Variants in TSEN2 observed in about 807,000 individuals in gnomAD.
TSEN2 encodes tRNA splicing endonuclease subunit 2.
In TSEN2, 54 loss-of-function variants were observed where a neutral mutation model predicts 59.2. The observed-to-expected ratio is 0.91, with a 90% CI of 0.73 to 1.14. TSEN2 has a LOEUF of 1.14. Among genes scored for constraint, TSEN2 ranks in the 50% most tolerant of loss-of-function variants. TSEN2 has a pLI of 0.00. For missense variants in TSEN2, 636 were observed against 576.2 expected (o/e 1.10, Z -1.06); for synonymous variants, 195 against 198.2 (o/e 0.98, Z 0.14).
At chr3:12,496,796 A>G (rs2053791440) in intron 4 of TSEN2, among the ~76,000 whole-genome samples, 1 of 152,206 alleles carries the variant, frequency 6.6e-6, no homozygotes, top group Non-Finnish European at 1.5e-5. Context: ...CAAATTATGA[A>G]TAACTATCCT....
At chr3:12,518,448 GC>G (rs2056338939) in intron 7 of TSEN2, among the ~76,000 whole-genome samples, 1 of 151,974 alleles carries the variant, frequency 6.6e-6, no homozygotes, top group African/African-American at 2.4e-5. Flanking sequence ...GTCCTTCCCA[GC>G]CCACCACCAC....
intron 8 of TSEN2, among the ~76,000 whole-genome samples, chr3:12,521,951 C>T (rs956486196): frequency 6.6e-6 from 1 of 151,982 alleles, no homozygotes; most frequent in Admixed American, 6.6e-5. Flanking sequence ...GCGGAGCTTG[C>T]AGTGAGCCGA....
At chr3:12,528,864 C>CT (rs760585599) in intron 8 of TSEN2, 24 bp from the exon 9 acceptor site, 5 of 1,612,846 alleles carry the variant, frequency 3.1e-6, no homozygotes, top group East Asian at 2.2e-5. Context: ...GGTTATACTT[C>CT]TTTTTTTTCT....
intron 1 of TSEN2, among the ~76,000 whole-genome samples, chr3:12,486,084 C>T (rs1423874334): frequency 6.6e-6 from 1 of 152,116 alleles, no homozygotes; most frequent in Non-Finnish European, 1.5e-5. Flanking sequence ...GGGACTTGAG[C>T]TGCGGATTTT....
At chr3:12,529,732 C>G in intron 9 of TSEN2, 30 bp from the exon 10 acceptor site, 1 of 1,595,342 alleles carries the variant, frequency 6.3e-7, no homozygotes, top group South Asian at 1.1e-5. Context: ...TTCATGATTA[C>G]TTTTAACATG....
At chr3:12,516,504 A>T in intron 6 of TSEN2, 107 bp from the exon 7 acceptor site, 1 of 867,014 alleles carries the variant, frequency 1.2e-6, no homozygotes, top group Non-Finnish European at 1.9e-6. Flanking sequence ...TTTGATGATG[A>T]CTTAAGAGCA....
At chr3:12,516,501 A>T in intron 6 of TSEN2, 110 bp from the exon 7 acceptor site, 3 of 829,056 alleles carry the variant, frequency 3.6e-6, no homozygotes, top group South Asian at 1.4e-5. Context: ...CTTTTTGATG[A>T]TGACTTAAGA....
chr3:12,534,550 C>G (rs1050202531), downstream of TSEN2, among the ~76,000 whole-genome samples: 2 of 152,050 alleles, frequency 1.3e-5, no homozygotes, highest in Admixed American at 6.6e-5. Context: ...ACACTGTAAT[C>G]CCAGCACTTT....
intron 6 of TSEN2, among the ~76,000 whole-genome samples, chr3:12,511,726 C>T (rs1264783598): frequency 6.6e-6 from 1 of 152,016 alleles, no homozygotes; most frequent in Non-Finnish European, 1.5e-5. Context: ...GCCACCACGC[C>T]CAGCTAATTT....
rs985494220 is a variant in TSEN2 at position 12,492,140 on chromosome 3, A to G, written c.194A>G (p.Tyr65Cys). The change falls in exon 3 of 12, where the codon TAT becomes TGT. Residue 65 changes from tyrosine (Y) to cysteine (C), a missense_variant. Transcript: ENST00000284995. ...CATTTTCTCTCTTCCTGGAAGGGTT[A>G]TTTTGGAAAAGGTATTCTTTCAAGA... ...EDIEQLYGKG[Y>C]FGKGILSRSR... The G allele has an allele frequency of 8.1e-6, 13 of 1,613,798 alleles. No homozygotes were observed. Among genetic ancestry groups the G allele is most frequent in the Non-Finnish European group, 1.0e-5 (12 of 1,179,790 alleles).
intron 4 of TSEN2, among the ~76,000 whole-genome samples, chr3:12,499,953 G>C (rs1361205940): frequency 6.6e-6 from 1 of 152,198 alleles, no homozygotes; most frequent in African/African-American, 2.4e-5. Flanking sequence ...GCATTCATCA[G>C]TACAACAATA....
chr3:12,502,485 G>A (rs371835760), intron 4 of TSEN2, among the ~76,000 whole-genome samples: 7 of 151,928 alleles, frequency 4.6e-5, no homozygotes, highest in Middle Eastern at 6.8e-3. Context: ...ACAGTGAGCC[G>A]AAATCGTGCC....
intron 1 of TSEN2, among the ~76,000 whole-genome samples, chr3:12,487,772 T>C (rs1343699109): frequency 1.3e-5 from 2 of 152,254 alleles, no homozygotes; most frequent in Non-Finnish European, 2.9e-5. Flanking sequence ...AAATATGCTC[T>C]TAAGAAAATC....
At chr3:12,531,457 C>T (rs1371410569) in intron 10 of TSEN2, 113 bp from the exon 11 acceptor site, 1 of 698,210 alleles carries the variant, frequency 1.4e-6, no homozygotes, top group Non-Finnish European at 2.6e-6. Flanking sequence ...TGTGAGTTTC[C>T]ACTTGGAGTG....
At chr3:12,492,295 A>G (rs566486411) in intron 3 of TSEN2, 78 bp downstream of exon 3, 62 of 1,297,346 alleles carry the variant, frequency 4.8e-5, no homozygotes, top group African/African-American at 3.9e-4. Flanking sequence ...CTCAGGCTAT[A>G]TAGTAAAATT....
chr3:12,488,314 A>G (rs749217236), intron 1 of TSEN2, among the ~76,000 whole-genome samples: 4 of 152,192 alleles, frequency 2.6e-5, no homozygotes, highest in Non-Finnish European at 4.4e-5. Flanking sequence ...AAACGTGTGT[A>G]TGATTTGGCC....
chr3:12,535,752 G>A (rs1189667520), downstream of TSEN2, among the ~76,000 whole-genome samples: 1 of 152,068 alleles, frequency 6.6e-6, no homozygotes, highest in African/African-American at 2.4e-5. Context: ...GACTGGTCTC[G>A]AACTCCTGAC....
At chr3:12,522,416 CA>C (rs2056722833) in intron 8 of TSEN2, among the ~76,000 whole-genome samples, 1 of 151,176 alleles carries the variant, frequency 6.6e-6, no homozygotes, top group Non-Finnish European at 1.5e-5. Context: ...GTCTCTGACC[CA>C]CACACAGAGT....
chr3:12,529,666 T>C, intron 9 of TSEN2, 96 bp from the exon 10 acceptor site: 1 of 1,128,506 alleles, frequency 8.9e-7, no homozygotes, highest in South Asian at 1.4e-5. Context: ...GATGCAAATT[T>C]CATTTTCTGT....
Sources: gnomAD v4.1 joint callset for allele counts (sites outside exome capture counted in the v4.1 genomes callset) on GRCh38, gnomAD v4.1.1 for gene constraint, MANE v1.5 for transcripts, NCBI Gene and HGNC (gene_info 2026-07-23, HGNC 2026-07-21) for gene names.